Variants in PLXDC2 observed in about 807,000 individuals in gnomAD.
The protein encoded by PLXDC2 is plexin domain-containing protein 2.
Under a neutral mutation model 68.9 loss-of-function variants are expected in PLXDC2, and 40 were observed. The observed-to-expected ratio is 0.58, with a 90% CI of 0.45 to 0.76. PLXDC2 has a LOEUF of 0.76. Among genes scored for constraint, PLXDC2 ranks in the 30% least tolerant of loss-of-function variants. PLXDC2 has a pLI of 0.00. For missense variants in PLXDC2, 644 were observed against 661.9 expected (o/e 0.97, Z 0.30); for synonymous variants, 243 against 234.2 (o/e 1.04, Z -0.34).
intron 1 of PLXDC2, among the ~76,000 whole-genome samples, chr10:19,954,457 A>G (rs541003640): frequency 3.9e-5 from 6 of 152,312 alleles, no homozygotes; most frequent in Admixed American, 2.6e-4. Context: ...TGTAAAATGG[A>G]GTAATTTATT....
At chr10:19,958,985 G>T (rs1054577977) in intron 1 of PLXDC2, among the ~76,000 whole-genome samples, 3 of 152,096 alleles carry the variant, frequency 2.0e-5, no homozygotes, top group African/African-American at 7.2e-5. Flanking sequence ...CAGGTTTTGT[G>T]GCCTATGGCA....
At chr10:20,189,847 C>G (rs1834741370) in intron 9 of PLXDC2, among the ~76,000 whole-genome samples, 1 of 151,440 alleles carries the variant, frequency 6.6e-6, no homozygotes, top group South Asian at 2.1e-4. Context: ...TTCTTTTGGC[C>G]ACTGAGTCAT....
intron 2 of PLXDC2, among the ~76,000 whole-genome samples, chr10:20,044,225 CTTT>C (rs1835747341): frequency 2.1e-5 from 1 of 47,306 alleles, no homozygotes; most frequent in South Asian, 6.8e-4. Flanking sequence ...TTCTTTCTTT[CTTT>C]CTTTCTTTCT....
chr10:20,153,063 A>G (rs10827973), intron 6 of PLXDC2, among the ~76,000 whole-genome samples: 1 of 151,924 alleles, frequency 6.6e-6, no homozygotes, highest in Non-Finnish European at 1.5e-5. Context: ...AATTTTTGCT[A>G]TGGACCTTTT....
At chr10:19,939,447 G>A (rs1307532886) in intron 1 of PLXDC2, among the ~76,000 whole-genome samples, 3 of 152,102 alleles carry the variant, frequency 2.0e-5, no homozygotes, top group African/African-American at 4.8e-5. Flanking sequence ...TTTTCTCAAT[G>A]ATAGTTAAAT....
intron 13 of PLXDC2, among the ~76,000 whole-genome samples, chr10:20,278,978 C>T (rs1836045537): frequency 6.6e-6 from 1 of 152,082 alleles, no homozygotes; most frequent in African/African-American, 2.4e-5. Flanking sequence ...GGATGGAGTG[C>T]TGAGAAGAAA....
At chr10:20,090,940 A>G (rs1312515648) in intron 4 of PLXDC2, among the ~76,000 whole-genome samples, 1 of 152,172 alleles carries the variant, frequency 6.6e-6, no homozygotes, top group Non-Finnish European at 1.5e-5. Flanking sequence ...AATGCAATCA[A>G]GTGTCTAATG....
chr10:19,889,077 A>G (rs1171832527), intron 1 of PLXDC2, among the ~76,000 whole-genome samples: 5 of 152,152 alleles, frequency 3.3e-5, no homozygotes, highest in Admixed American at 6.5e-5. Flanking sequence ...TTATGATAAT[A>G]TAATAGAGCC....
intron 2 of PLXDC2, among the ~76,000 whole-genome samples, chr10:20,031,116 C>T (rs907766953): frequency 3.3e-5 from 5 of 152,118 alleles, no homozygotes; most frequent in African/African-American, 1.2e-4. Flanking sequence ...GCCTGTAATC[C>T]CAGCACTTTG....
chr10:20,234,590 C>T (rs1835407842), intron 12 of PLXDC2, among the ~76,000 whole-genome samples: 1 of 150,740 alleles, frequency 6.6e-6, no homozygotes, highest in Non-Finnish European at 1.5e-5. Context: ...TATTAGTTCT[C>T]GTAACACAAA....
At chr10:20,170,009 T>C (rs1188746146) in intron 7 of PLXDC2, among the ~76,000 whole-genome samples, 2 of 152,162 alleles carry the variant, frequency 1.3e-5, no homozygotes, top group African/African-American at 4.8e-5. Context: ...GCACCTTTGC[T>C]TGGCTGGTTA....
rs537428149 is a variant in PLXDC2, at chr10:19,969,912, G to C, written c.113-31863G>C. On this transcript the variant is annotated intron_variant, in intron 1 of 13. Transcript: ENST00000377252. ...AATAAAACATACTGCATACAATCCA[G>C]AGGTTCACTCACCTCCACATTTTCC... 8.7e-4 allele frequency among the ~76,000 whole-genome samples: 132 copies of C among 152,262 alleles called. 1 individual carries two copies. The highest frequency in any genetic ancestry group is 1.2e-3 in the Non-Finnish European group (79 of 68,012).
intron 1 of PLXDC2, among the ~76,000 whole-genome samples, chr10:19,926,800 T>A (rs1833544298): frequency 6.6e-6 from 1 of 152,148 alleles, no homozygotes; most frequent in Non-Finnish European, 1.5e-5. Flanking sequence ...GGTGTAGCAA[T>A]GAGATGGGAT....
In PLXDC2 at chr10:19,859,033, AGAGAGAGAGAGAGAGCGAGG is replaced by A. The variant is rs1246488807; in HGVS notation, c.112+41850_112+41869del. 1.1e-4 allele frequency among the ~76,000 whole-genome samples: 17 copies of A among 151,538 alleles called. No homozygotes were observed. In the East Asian group the frequency reaches 3.1e-3, roughly 28 times the overall value. On this transcript the variant is annotated intron_variant, in intron 1 of 13. Transcript: ENST00000377252. ...GAGAAAAGCAGCGAGAGAGAGAGAG[AGAGAGAGAGAGAGAGCGAGG>A]GAGAGAGGAGGAGGTGCCAGGCTTT...
intron 13 of PLXDC2, among the ~76,000 whole-genome samples, chr10:20,252,472 C>T (rs1254941708): frequency 6.6e-6 from 1 of 152,102 alleles, no homozygotes; most frequent in Non-Finnish European, 1.5e-5. Context: ...ATTTGGTTCA[C>T]ATTATATTTC....
At chr10:20,246,348 G>GT (rs1171922763) in intron 13 of PLXDC2, among the ~76,000 whole-genome samples, 5 of 152,116 alleles carry the variant, frequency 3.3e-5, no homozygotes, top group African/African-American at 7.2e-5. Flanking sequence ...GCATATGCAG[G>GT]TTTTTTTTGT....
intron 4 of PLXDC2, among the ~76,000 whole-genome samples, chr10:20,082,807 A>T (rs1252775729): frequency 6.6e-6 from 1 of 152,226 alleles, no homozygotes; most frequent in Non-Finnish European, 1.5e-5. Flanking sequence ...GGTTTTGGAC[A>T]GGTTAAATAA....
intron 12 of PLXDC2, among the ~76,000 whole-genome samples, chr10:20,229,553 G>C (rs1422302902): frequency 6.7e-6 from 1 of 149,234 alleles, no homozygotes; most frequent in Non-Finnish European, 1.5e-5. Flanking sequence ...TGATGTTGAT[G>C]GTTGATGGAG....
chr10:20,047,457 A>G lies in PLXDC2; in HGVS notation c.471+442A>G, dbSNP rs567749454. 3.3e-4 allele frequency among the ~76,000 whole-genome samples: 51 copies of G among 152,274 alleles called. 1 individual carries two copies. The South Asian group carries it at 9.7e-3, about 29-fold the overall frequency. On this transcript the variant is annotated intron_variant, in intron 3 of 13. Coordinates refer to ENST00000377252, the MANE Select transcript of PLXDC2 (RefSeq NM_032812.9). ...ACCGAAGTCATTTATGACTTAGATA[A>G]CATATATAGACCAAATTATGATCTT... is the stretch of plus-strand genomic sequence containing the variant.
Sources: gnomAD v4.1 joint callset for allele counts (sites outside exome capture counted in the v4.1 genomes callset) on GRCh38, gnomAD v4.1.1 for gene constraint, MANE v1.5 for transcripts, NCBI Gene and HGNC (gene_info 2026-07-23, HGNC 2026-07-21) for gene names.